The following LYG2 variants were observed in gnomAD, a reference collection of about 807,000 sequenced individuals.
LYG2 encodes the protein lysozyme g-like protein 2.
LYG2 carries 25 observed loss-of-function variants against 22.4 expected under a neutral mutation model. The ratio of observed to expected loss-of-function variants is 1.12; its 90% CI spans 0.81 to 1.56. The LOEUF is 1.56. Among genes scored for constraint, LYG2 ranks in the 40% most tolerant of loss-of-function variants. The pLI is 0.00. For missense variants in LYG2, 266 were observed against 269.5 expected (o/e 0.99, Z 0.09); for synonymous variants, 88 against 97.0 (o/e 0.91, Z 0.55).
At chr2:99,247,266 C>T (rs2094017725) in intron 3 of LYG2, among the ~76,000 whole-genome samples, 1 of 151,878 alleles carries the variant, frequency 6.6e-6, no homozygotes, top group Admixed American at 6.6e-5. Flanking sequence ...CTTATTTTCT[C>T]TTTTTGTAGA....
At position 99,250,573 on chromosome 2, in the gene LYG2, A is replaced by ACT. The variant is rs1559206905; in HGVS notation, c.43+3644_43+3645insAG. ...GTATTTTTAGTAGAGGCGGGGTTTC[A>ACT]GCATGTTAGCCAGGATGGTCTCGAT... On this transcript the variant is annotated intron_variant, in intron 3 of 6. Transcript: ENST00000333017. Among the ~76,000 whole-genome samples the ACT allele has an allele frequency of 4.0e-3, 606 of 152,208 alleles. 5 individuals carry two copies. Among genetic ancestry groups the ACT allele is most frequent in the African/African-American group, 0.014 (577 of 41,520 alleles).
At chr2:99,246,275 G>A (rs1159519875) in intron 4 of LYG2, among the ~76,000 whole-genome samples, 1 of 152,180 alleles carries the variant, frequency 6.6e-6, no homozygotes, top group African/African-American at 2.4e-5. Flanking sequence ...TTGAGGGGTT[G>A]GGGTCTGATG....
rs1432290982 is a variant in LYG2, at chr2:99,244,004, A to T, written c.515T>A (p.Leu172His). The change falls in exon 6 of 7, where the codon CTC (leucine) becomes CAC (histidine). Residue 172 changes from leucine (L) to histidine (H), a missense_variant. By Grantham distance (99) the Leu-to-His change is moderately conservative. Transcript: ENST00000333017. ...KFPTWSVAQHLKGGLSAFKSG... is the reference protein window; with the variant it reads ...KFPTWSVAQHHKGGLSAFKSG... ...GTACTCAGAATACAGCCTACCTTTG[A>T]GGTGCTGAGCAACACTCCACGTGGG... 1.2e-6 allele frequency: 2 copies of T among 1,613,990 alleles called. No individual in the cohort carries two copies. Among genetic ancestry groups the T allele is most frequent in the East Asian group, 4.5e-5 (2 of 44,870 alleles).
At chr2:99,256,210 G>A (rs2094036067), upstream of LYG2, among the ~76,000 whole-genome samples, 1 of 152,194 alleles carries the variant, frequency 6.6e-6, no homozygotes, top group Non-Finnish European at 1.5e-5. Context: ...GGTCTGCACA[G>A]TCCACTGGCA....
intron 5 of LYG2, 55 bp downstream of exon 5, chr2:99,245,207 G>C: frequency 6.8e-7 from 1 of 1,478,230 alleles, no homozygotes; most frequent in South Asian, 1.5e-5. Context: ...AGTTCAGGTT[G>C]AGCTTCTGTG....
At chr2:99,244,278 T>C in intron 5 of LYG2, 141 bp from the exon 6 acceptor site, 5 of 811,168 alleles carry the variant, frequency 6.2e-6, no homozygotes, top group East Asian at 2.7e-5. Flanking sequence ...CTTTCTTTCA[T>C]ATAGATGAGA....
chr2:99,260,143 A>G (rs1051556922), upstream of LYG2, among the ~76,000 whole-genome samples: 3 of 151,896 alleles, frequency 2.0e-5, no homozygotes, highest in Admixed American at 6.6e-5. Context: ...TGTATTTTTT[A>G]GTAGAGATGG....
intron 3 of LYG2, among the ~76,000 whole-genome samples, chr2:99,250,169 C>T (rs997169212): frequency 6.6e-6 from 1 of 152,154 alleles, no homozygotes; most frequent in African/African-American, 2.4e-5. Flanking sequence ...TTTGTGGTCC[C>T]TTTTGCCTAG....
chr2:99,250,541 A>T (rs1486508059), intron 3 of LYG2, among the ~76,000 whole-genome samples: 1 of 151,982 alleles, frequency 6.6e-6, no homozygotes, highest in Non-Finnish European at 1.5e-5. Context: ...CACCCGGCTA[A>T]TTTTTTGTAT....
At chr2:99,249,982 T>C (rs2094023269) in intron 3 of LYG2, among the ~76,000 whole-genome samples, 1 of 152,052 alleles carries the variant, frequency 6.6e-6, no homozygotes, top group Admixed American at 6.6e-5. Context: ...TTCCAGTGGC[T>C]TTCTCCTCCT....
At chr2:99,246,887 C>T (rs1366984333) in intron 3 of LYG2, 67 bp from the exon 4 acceptor site, 2 of 1,489,666 alleles carry the variant, frequency 1.3e-6, no homozygotes, top group African/African-American at 1.4e-5. Context: ...CTGCAATAAA[C>T]ATCACTAAAC....
At chr2:99,246,153 T>A (rs2094015776) in intron 4 of LYG2, among the ~76,000 whole-genome samples, 1 of 152,224 alleles carries the variant, frequency 6.6e-6, no homozygotes, top group Non-Finnish European at 1.5e-5. Flanking sequence ...GGAAGCCTGT[T>A]GTACTAGGAG....
chr2:99,249,505 G>A (rs1483589091), intron 3 of LYG2, among the ~76,000 whole-genome samples: 13 of 151,734 alleles, frequency 8.6e-5, no homozygotes, highest in African/African-American at 3.1e-4. Context: ...GCTCACACCT[G>A]TAATCCCAGC....
At chr2:99,261,494 C>G in the LYG2 span, among the ~76,000 whole-genome samples, 3 of 152,222 alleles carry the variant, frequency 2.0e-5, no homozygotes, top group Non-Finnish European at 2.9e-5. Flanking sequence ...TCTAGGAGAA[C>G]TGGAATCCCC....
chr2:99,246,595 C>T (rs2094016405), intron 4 of LYG2, 85 bp downstream of exon 4: 2 of 1,486,546 alleles, frequency 1.3e-6, no homozygotes, highest in East Asian at 2.3e-5. Context: ...ATGATTATAC[C>T]TTTTCAAAAT....
rs370931575 is a variant in LYG2, at chr2:99,245,850, G to A, written c.185-392C>T. On this transcript the variant is annotated intron_variant, in intron 4 of 6. Coordinates refer to ENST00000333017, the MANE Select transcript of LYG2 (RefSeq NM_175735.4). ...TTTCTCCTTCAAATTGCTCATGCCT[G>A]TAATCCCAGCACTTTGGGAGGCCGA... 3.2e-4 allele frequency among the ~76,000 whole-genome samples: 48 copies of A among 152,262 alleles called. No homozygotes were observed. In the Middle Eastern group the frequency reaches 0.01, roughly 32 times the overall value.
chr2:99,255,259 TG>T (rs1198291547), intron 1 of LYG2, 122 bp from the exon 2 acceptor site: 1 of 152,250 alleles, frequency 6.6e-6, no homozygotes, highest in African/African-American at 2.4e-5. Context: ...AAGACTCACC[TG>T]GCTTTTCTTA....
At chr2:99,253,302 T>C (rs1483063163) in intron 3 of LYG2, among the ~76,000 whole-genome samples, 1 of 152,172 alleles carries the variant, frequency 6.6e-6, no homozygotes, top group East Asian at 1.9e-4. Context: ...ACAGCTAATA[T>C]GGTAGCTCAT....
Position 99,244,103 on chromosome 2 carries a change from C to T in LYG2, c.416G>A (p.Trp139Ter). ...CTGTGAAAGGTGCTCTTTGCTATCC[C>T]AGGCACCGACAGGGTGGTACGTTTG... ...DKQTYHPVGA[W>*]DSKEHLSQAT... is the part of the protein sequence containing the mutation. The change falls in exon 6 of 7, where the codon TGG (tryptophan) becomes TAG (stop). Residue 139 changes from tryptophan (W) to a stop codon, truncating the protein, a stop_gained. Coordinates refer to ENST00000333017, the MANE Select transcript of LYG2 (RefSeq NM_175735.4). LOFTEE classifies it high-confidence loss of function. The T allele has an allele frequency of 6.2e-7, 1 of 1,613,948 alleles. No individual in the cohort carries two copies. Among genetic ancestry groups the T allele is most frequent in the Non-Finnish European group, 8.5e-7 (1 of 1,179,988 alleles).
Sources: allele counts gnomAD v4.1 joint callset (sites outside exome capture counted in the v4.1 genomes callset), GRCh38; gene constraint gnomAD v4.1.1; transcripts MANE v1.5; gene names NCBI Gene and HGNC (gene_info 2026-07-23, HGNC 2026-07-21).